The following TPM1 variants were observed in gnomAD, a reference collection of about 807,000 sequenced individuals.
TPM1 encodes the protein tropomyosin 1.
Under a neutral mutation model 42.9 loss-of-function variants are expected in TPM1, and 24 were observed. The ratio of observed to expected loss-of-function variants is 0.56; its 90% CI spans 0.41 to 0.79. TPM1 has a LOEUF of 0.79. Among genes scored for constraint, TPM1 ranks in the 30% least tolerant of loss-of-function variants. The pLI, the probability that TPM1 is intolerant of heterozygous loss-of-function variation, is 0.00. For synonymous variants in TPM1, 136 were observed against 130.1 expected, an observed-to-expected ratio of 1.05 and a Z score of -0.31; for missense variants, 158 against 351.8, an observed-to-expected ratio of 0.45 and a Z score of 4.41.
rs1275248197 is a variant in TPM1, at chr15:63,043,599, C to G, written c.115-428C>G. On this transcript the variant is annotated intron_variant, in intron 1 of 9. Transcript: ENST00000403994. The stretch of plus-strand genomic sequence containing the variant: ...TCGGGTCCTTTGCACTCCAACTCGG[C>G]GGCGCCCCGAGCCCGAGGGGCCCCA... The G allele has an allele frequency of 2.7e-6, 4 of 1,504,340 alleles. No homozygotes were observed. The African/African-American group carries it at 5.5e-5, about 21-fold the overall frequency. 93.2% of individuals were successfully genotyped at this position (1,504,340 alleles called of 1,614,324 possible). A position where few individuals can be genotyped will look rare whatever the true frequency, so the allele number is the denominator to read the frequency against.
At chr15:63,063,321 A>G (rs1174152115) in intron 8 of TPM1, 2 of 985,474 alleles carry the variant, frequency 2.0e-6, no homozygotes, top group East Asian at 2.3e-4. Flanking sequence ...GGTGCAGATA[A>G]TAACCAAAAT....
At chr15:63,061,341 C>G in intron 5 of TPM1, 2 of 1,510,380 alleles carry the variant, frequency 1.3e-6, no homozygotes, top group Non-Finnish European at 1.8e-6. Flanking sequence ...CCAATGCCTC[C>G]TGGTTCGTTT....
chr15:63,053,636 T>C (rs2034287440), intron 2 of TPM1, among the ~76,000 whole-genome samples: 2 of 151,872 alleles, frequency 1.3e-5, no homozygotes, highest in Admixed American at 1.3e-4. Flanking sequence ...TTTGACCTCC[T>C]GAATCAGAAT....
rs137948448 is a variant in TPM1, at chr15:63,059,165, G to A, written c.375-398G>A. ...TAAAGATAAGTTTGATTTTGTTCTA[G>A]CTTTGGTTCATGTGCAAGCTGAGGC... On this transcript the variant is annotated intron_variant, in intron 3 of 9. Transcript: ENST00000403994. Among the ~76,000 whole-genome samples the A allele has an allele frequency of 3.9e-5, 6 of 152,152 alleles. No individual in the cohort carries two copies. In the South Asian group the frequency reaches 8.3e-4, roughly 21 times the overall value.
intron 9 of TPM1, chr15:63,064,978 G>A (rs1036758446): frequency 5.1e-6 from 5 of 984,786 alleles, no homozygotes; most frequent in Non-Finnish European, 1.2e-6. Context: ...AGAAAAAAAA[G>A]AATGGTAGAG....
chr15:63,055,478 A>C (rs1348480955), intron 2 of TPM1, among the ~76,000 whole-genome samples: 3 of 151,754 alleles, frequency 2.0e-5, no homozygotes, highest in Non-Finnish European at 4.4e-5. Context: ...TGCATTTCCA[A>C]CTCTGTATTG....
chr15:63,048,415 T>C (rs978031420), intron 2 of TPM1: 2 of 1,352,958 alleles, frequency 1.5e-6, no homozygotes, highest in East Asian at 6.4e-5. Flanking sequence ...GGCTGCGACT[T>C]CCGGACTGCT....
At chr15:63,061,110 C>G (rs1306560512) in intron 5 of TPM1, 171 bp downstream of exon 5, 1 of 1,487,594 alleles carries the variant, frequency 6.7e-7, no homozygotes, top group Non-Finnish European at 9.4e-7. Context: ...TGTGGGGTGT[C>G]TTATGTATGA....
chr15:63,063,828 T>G, intron 8 of TPM1: 1 of 537,578 alleles, frequency 1.9e-6, no homozygotes, highest in Non-Finnish European at 3.2e-6. Context: ...ATTTTCATAT[T>G]GAGTCTTTTT....
At chr15:63,067,933 A>C (rs2036373900), downstream of TPM1, among the ~76,000 whole-genome samples, 1 of 152,210 alleles carries the variant, frequency 6.6e-6, no homozygotes, top group South Asian at 2.1e-4. Context: ...GCTCCACAGC[A>C]GCTGAAGCAG....
rs1596385350 is a variant in TPM1 at position 63,062,377 on chromosome 15, G to A, written c.702+100G>A. 23 of 1,374,140 alleles carry A rather than the reference G, an allele frequency of 1.7e-5. No individual in the cohort carries two copies. In the East Asian group the frequency reaches 4.7e-4, roughly 28 times the overall value. 85.1% of individuals were successfully genotyped at this position (1,374,140 alleles called of 1,614,324 possible). A position where few individuals can be genotyped will look rare whatever the true frequency, so the allele number is the denominator to read the frequency against. Reference sequence around the variant, plus strand: ...TCATTTTAAAGTTCCAATGATCCAAGTCAGGAATATTCAAAGGTCGCCTTG... The same window carrying A: ...TCATTTTAAAGTTCCAATGATCCAAATCAGGAATATTCAAAGGTCGCCTTG... On this transcript the variant is annotated intron_variant, in intron 7 of 9. Transcript: ENST00000403994.
chr15:63,070,096 T>C (rs2036522462), downstream of TPM1: 3 of 1,521,278 alleles, frequency 2.0e-6, no homozygotes, highest in Admixed American at 6.0e-5. Context: ...TGGCCTTGCC[T>C]GCTTGTTTCT....
chr15:63,054,592 C>CCTTG (rs2034485921), intron 2 of TPM1: 1 of 152,196 alleles, frequency 6.6e-6, no homozygotes. Context: ...AGTACAAAGT[C>CCTTG]CTTGAGGTTC....
intron 2 of TPM1, chr15:63,056,294 C>T (rs1596356691): frequency 6.6e-6 from 1 of 152,554 alleles, no homozygotes; most frequent in African/African-American, 2.4e-5. Context: ...TGTCTCAGTT[C>T]ACACTTCAGG....
intron 2 of TPM1, chr15:63,045,533 C>T (rs2032216477): frequency 6.6e-6 from 1 of 152,042 alleles, no homozygotes; most frequent in South Asian, 2.1e-4. Flanking sequence ...TCCAGCAGGA[C>T]GTTTATTTAG....
chr15:63,051,354 T>A (rs539689199), intron 2 of TPM1, among the ~76,000 whole-genome samples: 1 of 97,192 alleles, frequency 1.0e-5, no homozygotes, highest in African/African-American at 8.6e-5. Flanking sequence ...GAGTGGCTGT[T>A]AACTGGAATG....
intron 1 of TPM1, chr15:63,043,492 C>G (rs1180224984): frequency 1.3e-6 from 1 of 765,238 alleles, no homozygotes; most frequent in Admixed American, 2.0e-5. Flanking sequence ...GCTGAGACCT[C>G]GGCAGGAGTC....
exon 9 of TPM1, chr15:63,071,433 G>A (rs886323953): frequency 4.0e-5 from 17 of 424,500 alleles, no homozygotes; most frequent in Admixed American, 1.1e-4. Context: ...CTTAGTCAGC[G>A]TAGGAATCCT....
At chr15:63,051,635 G>A (rs1365493074) in intron 2 of TPM1, among the ~76,000 whole-genome samples, 3 of 151,740 alleles carry the variant, frequency 2.0e-5, no homozygotes, top group Non-Finnish European at 2.9e-5. Flanking sequence ...AACCTTCTTC[G>A]TATAACTACA....
Sources: gnomAD v4.1 joint callset for allele counts (sites outside exome capture counted in the v4.1 genomes callset) on GRCh38, gnomAD v4.1.1 for gene constraint, MANE v1.5 for transcripts, NCBI Gene and HGNC (gene_info 2026-07-23, HGNC 2026-07-21) for gene names.